Variants in RPH3AL observed in about 807,000 individuals in gnomAD.
The protein encoded by RPH3AL is rab effector Noc2.
In RPH3AL, 38 loss-of-function variants were observed where a neutral mutation model predicts 43.1. That is an observed-to-expected ratio of 0.88 (90% CI 0.68 to 1.15). The LOEUF (loss-of-function observed/expected upper bound fraction) is 1.15. RPH3AL is among the 50% of genes most tolerant of loss of function. The pLI, the probability that RPH3AL is intolerant of heterozygous loss-of-function variation, is 0.00. For missense variants in RPH3AL, 462 were observed against 423.2 expected (o/e 1.09, Z -0.81); for synonymous variants, 189 against 176.3 (o/e 1.07, Z -0.57).
intron 6 of RPH3AL, among the ~76,000 whole-genome samples, chr17:273,045 TCAGGGAGAGACCCCAGCGAGGGC>T (rs2042540351): frequency 2.1e-4 from 23 of 108,962 alleles, no homozygotes; most frequent in African/African-American, 4.6e-4. Context: ...GAGGGCGACG[TCAGGGAGAGACCCCAGCGAGGGC>T]GACGTCAGGG....
intron 6 of RPH3AL, among the ~76,000 whole-genome samples, chr17:257,574 C>T (rs567956866): frequency 2.5e-5 from 1 of 39,322 alleles, no homozygotes; most frequent in Non-Finnish European, 5.7e-5. Context: ...GACTACCCTA[C>T]GTACTTCCTA....
intron 6 of RPH3AL, among the ~76,000 whole-genome samples, chr17:258,279 C>A (rs1046888405): frequency 6.6e-6 from 1 of 152,202 alleles, no homozygotes; most frequent in South Asian, 2.1e-4. Flanking sequence ...GCTCCTAGCA[C>A]ACGCCTCACA....
intron 5 of RPH3AL, among the ~76,000 whole-genome samples, chr17:308,178 G>A (rs1436884903): frequency 6.6e-6 from 1 of 152,248 alleles, no homozygotes; most frequent in African/African-American, 2.4e-5. Context: ...GCAGGCGACT[G>A]AGATGAAATG....
At chr17:325,766 T>C (rs2044604687) in intron 3 of RPH3AL, among the ~76,000 whole-genome samples, 1 of 152,172 alleles carries the variant, frequency 6.6e-6, no homozygotes, top group East Asian at 1.9e-4. Flanking sequence ...TGGCACATAG[T>C]AGGGGTTTAG....
intron 5 of RPH3AL, among the ~76,000 whole-genome samples, chr17:314,528 GA>G (rs879248188): frequency 0.095 from 10,136 of 107,006 alleles, 771 homozygotes; most frequent in African/African-American, 0.23. Flanking sequence ...TAGTCCCTGT[GA>G]CTCCACCTCC....
chr17:237,676 T>C (rs2041430902), intron 7 of RPH3AL, among the ~76,000 whole-genome samples: 1 of 152,168 alleles, frequency 6.6e-6, no homozygotes, highest in Non-Finnish European at 1.5e-5. Context: ...TCCCCAAATC[T>C]GGCCAGGCCA....
chr17:326,161 C>T (rs369374463), intron 3 of RPH3AL, among the ~76,000 whole-genome samples: 22 of 152,224 alleles, frequency 1.4e-4, no homozygotes, highest in African/African-American at 4.3e-4. Context: ...GGAGACGGAC[C>T]GACCTCACCC....
chr17:317,789 G>T (rs1451623917), intron 5 of RPH3AL, among the ~76,000 whole-genome samples: 1 of 152,168 alleles, frequency 6.6e-6, no homozygotes, highest in Non-Finnish European at 1.5e-5. Context: ...TTCTCATCCA[G>T]CTTTTGAATG....
intron 7 of RPH3AL, among the ~76,000 whole-genome samples, chr17:224,472 G>A (rs139086381): frequency 1.1e-4 from 17 of 152,326 alleles, no homozygotes; most frequent in Non-Finnish European, 1.9e-4. Context: ...GAAGCCCTCC[G>A]TCTCACCTGT....
At chr17:219,946 G>C (rs895639169) in intron 7 of RPH3AL, among the ~76,000 whole-genome samples, 6 of 152,208 alleles carry the variant, frequency 3.9e-5, no homozygotes, top group African/African-American at 1.4e-4. Context: ...GATGTGAGGA[G>C]GCTGGGATCT....
At chr17:351,576 G>A (rs2045354356) in intron 1 of RPH3AL, among the ~76,000 whole-genome samples, 1 of 152,008 alleles carries the variant, frequency 6.6e-6, no homozygotes, top group African/African-American at 2.4e-5. Flanking sequence ...TCTCTTCCAT[G>A]AGCCTCTCTT....
chr17:220,227 A>G (rs1343712675), intron 7 of RPH3AL, among the ~76,000 whole-genome samples: 34 of 145,076 alleles, frequency 2.3e-4, no homozygotes, highest in Non-Finnish European at 3.4e-4. Flanking sequence ...AGACCCAAAA[A>G]CAACAGCTCT....
intron 5 of RPH3AL, among the ~76,000 whole-genome samples, chr17:317,743 C>G (rs1027776179): frequency 1.3e-5 from 2 of 152,224 alleles, no homozygotes; most frequent in Admixed American, 1.3e-4. Context: ...TTCCTGCTTA[C>G]TAATTGGGCA....
At chr17:317,582 G>A (rs1040041307) in intron 5 of RPH3AL, among the ~76,000 whole-genome samples, 3 of 152,006 alleles carry the variant, frequency 2.0e-5, no homozygotes, top group Non-Finnish European at 2.9e-5. Flanking sequence ...GCCTTGGCAA[G>A]GCTGAAGGAG....
At position 273,151 on chromosome 17, in the gene RPH3AL, GTGATGT is replaced by G. The variant is rs2042550867; in HGVS notation, c.438+8611_438+8616del. 4.8e-4 allele frequency among the ~76,000 whole-genome samples: 17 copies of G among 35,128 alleles called. 5 individuals are homozygous for G. Among genetic ancestry groups the G allele is most frequent in the South Asian group, 1.8e-3 (1 of 560 alleles). The allele number at this position is 35,128 out of a possible 152,430, so 23.0% of individuals were successfully genotyped here. A position where few individuals can be genotyped will look rare whatever the true frequency, so the allele number is the denominator to read the frequency against. ...ACGTCAGGGAGAGACCCCAGCGAGGGTGATGTCAGGGTGAGACCCCAGCGCGGGTGA... is the reference window on the plus strand; with the variant it reads ...ACGTCAGGGAGAGACCCCAGCGAGGGCAGGGTGAGACCCCAGCGCGGGTGA... On this transcript the variant is annotated intron_variant, in intron 6 of 9. Coordinates refer to ENST00000331302, the MANE Select transcript of RPH3AL (RefSeq NM_006987.4).
At chr17:316,104 G>A (rs1312967364) in intron 5 of RPH3AL, among the ~76,000 whole-genome samples, 85 of 141,666 alleles carry the variant, frequency 6.0e-4, no homozygotes, top group Admixed American at 6.5e-4. Context: ...TTGACCTGTA[G>A]TCTCTCTGCA....
intron 7 of RPH3AL, among the ~76,000 whole-genome samples, chr17:233,536 G>A (rs1278764857): frequency 6.6e-6 from 1 of 152,168 alleles, no homozygotes; most frequent in Non-Finnish European, 1.5e-5. Flanking sequence ...GTCAGGGTTA[G>A]GAGTACAGTC....
chr17:315,834 T>A (rs2151680227), intron 5 of RPH3AL, among the ~76,000 whole-genome samples: 2 of 150,120 alleles, frequency 1.3e-5, no homozygotes, highest in Admixed American at 6.6e-5. Flanking sequence ...GTAGTCCCTG[T>A]GCCCCCACCT....
intron 5 of RPH3AL, among the ~76,000 whole-genome samples, chr17:298,655 A>G (rs1227411407): frequency 6.6e-6 from 1 of 152,024 alleles, no homozygotes; most frequent in Non-Finnish European, 1.5e-5. Flanking sequence ...CAGTGAGCCG[A>G]GATCAGGCCA....
Sources: gnomAD v4.1 joint callset for allele counts (sites outside exome capture counted in the v4.1 genomes callset) on GRCh38, gnomAD v4.1.1 for gene constraint, MANE v1.5 for transcripts, NCBI Gene and HGNC (gene_info 2026-07-23, HGNC 2026-07-21) for gene names.